TSPAN18: variants seen among roughly 807,000 people sequenced by gnomAD.
TSPAN18 encodes tetraspanin-18.
A neutral mutation model predicts 27.3 loss-of-function variants in TSPAN18; 14 were observed. The ratio of observed to expected loss-of-function variants is 0.51; its 90% CI spans 0.34 to 0.80. The LOEUF is 0.80. TSPAN18 is among the 30% of genes least tolerant of loss of function. The probability of loss-of-function intolerance (pLI) is 0.01; values close to 1 mark genes in which losing one functional copy is unlikely to be tolerated. For missense variants in TSPAN18, 268 were observed against 323.9 expected (o/e 0.83, Z 1.32); for synonymous variants, 143 against 136.5 (o/e 1.05, Z -0.33).
At chr11:44,908,894 G>C (rs1400730085) in intron 4 of TSPAN18, among the ~76,000 whole-genome samples, 2 of 151,974 alleles carry the variant, frequency 1.3e-5, no homozygotes, top group Non-Finnish European at 2.9e-5. Flanking sequence ...CTTCCTTAGG[G>C]CTGCCTTAGG....
intron 3 of TSPAN18, among the ~76,000 whole-genome samples, chr11:44,877,806 G>A (rs1343171311): frequency 6.6e-6 from 1 of 151,760 alleles, no homozygotes; most frequent in Non-Finnish European, 1.5e-5. Flanking sequence ...GCTAGTCGTG[G>A]GAAAATAGAT....
chr11:44,882,583 G>GACACAC (rs1430057154), intron 3 of TSPAN18, among the ~76,000 whole-genome samples: 9 of 59,344 alleles, frequency 1.5e-4, no homozygotes, highest in East Asian at 1.3e-3. Context: ...TGGTCAGAGA[G>GACACAC]AGAGACACAC....
intron 2 of TSPAN18, among the ~76,000 whole-genome samples, chr11:44,822,405 C>T (rs983970012): frequency 2.4e-4 from 37 of 152,138 alleles, no homozygotes; most frequent in African/African-American, 8.9e-4. Flanking sequence ...TGGCTGTCCA[C>T]ACAGTATTTT....
At chr11:44,902,649 C>T (rs1359880285) in intron 3 of TSPAN18, among the ~76,000 whole-genome samples, 1 of 152,190 alleles carries the variant, frequency 6.6e-6, no homozygotes, top group Non-Finnish European at 1.5e-5. Flanking sequence ...GCCCACTGCC[C>T]TCTGGGAGGG....
At chr11:44,919,685 T>G (rs1860050272) in intron 7 of TSPAN18, 132 bp from the exon 8 acceptor site, 1 of 866,736 alleles carries the variant, frequency 1.2e-6, no homozygotes. Flanking sequence ...GGTCACACAG[T>G]GGTGACAGGT....
At chr11:44,823,250 T>C (rs961585256) in intron 2 of TSPAN18, among the ~76,000 whole-genome samples, 2 of 152,096 alleles carry the variant, frequency 1.3e-5, no homozygotes, top group Admixed American at 6.5e-5. Context: ...GTACCCACAT[T>C]TGGTGGTTCT....
At chr11:44,759,384 G>A (rs963254039) in intron 1 of TSPAN18, among the ~76,000 whole-genome samples, 1 of 152,186 alleles carries the variant, frequency 6.6e-6, no homozygotes, top group Non-Finnish European at 1.5e-5. Flanking sequence ...CAGACCTACT[G>A]ACTCTGGAAG....
At position 44,749,103 on chromosome 11, in the gene TSPAN18, T is replaced by C. The variant is rs1855149930; in HGVS notation, c.-239-15323T>C. Among the ~76,000 whole-genome samples, 3 of 152,186 alleles carry C rather than the reference T, an allele frequency of 2.0e-5. No homozygotes were observed. In the South Asian group the frequency reaches 6.2e-4, roughly 31 times the overall value. ...GTGCTCTGGTTCTTGAGCTAAGCTT[T>C]TGACCACCACACCCTGCAGTCTTGA... On this transcript the variant is annotated intron_variant, in intron 1 of 9. Transcript: ENST00000520358.
At chr11:44,904,619 A>C (rs941353966) in intron 3 of TSPAN18, among the ~76,000 whole-genome samples, 4 of 152,198 alleles carry the variant, frequency 2.6e-5, no homozygotes, top group Non-Finnish European at 4.4e-5. Flanking sequence ...ACTTAAAAAC[A>C]AACAAACAAA....
chr11:44,912,850 G>A (rs1207464509), intron 5 of TSPAN18, among the ~76,000 whole-genome samples: 2 of 148,966 alleles, frequency 1.3e-5, no homozygotes, highest in Admixed American at 6.7e-5. Flanking sequence ...TCATGTGTGC[G>A]TGGGTGCACA....
chr11:44,850,467 G>A (rs1857574754), intron 2 of TSPAN18, among the ~76,000 whole-genome samples: 1 of 152,112 alleles, frequency 6.6e-6, no homozygotes, highest in Non-Finnish European at 1.5e-5. Context: ...GTCCCTGCTG[G>A]CCGGAGGATG....
At chr11:44,884,889 A>T (rs1352840575) in intron 3 of TSPAN18, among the ~76,000 whole-genome samples, 2 of 152,206 alleles carry the variant, frequency 1.3e-5, no homozygotes, top group Non-Finnish European at 2.9e-5. Flanking sequence ...ACATTCACTG[A>T]GAGTCCTCTG....
At chr11:44,903,351 C>A in intron 3 of TSPAN18, 1 of 451,298 alleles carries the variant, frequency 2.2e-6, no homozygotes, top group South Asian at 1.6e-5. Context: ...GCGTCAGGGA[C>A]ATACCTCTGG....
intron 1 of TSPAN18, among the ~76,000 whole-genome samples, chr11:44,740,127 C>T (rs1277822503): frequency 3.3e-5 from 5 of 152,210 alleles, no homozygotes; most frequent in South Asian, 2.1e-4. Context: ...TGGCCCTCTC[C>T]GATCTCTGCC....
intron 2 of TSPAN18, among the ~76,000 whole-genome samples, chr11:44,832,404 CCCCCTCTTTTT>C (rs142209991): frequency 0.041 from 6,257 of 152,206 alleles, 433 homozygotes; most frequent in African/African-American, 0.14. Context: ...ATCCTCAACT[CCCCCTCTTTTT>C]CCTTCATTCT....
intron 2 of TSPAN18, among the ~76,000 whole-genome samples, chr11:44,810,792 A>G (rs1182854469): frequency 6.6e-6 from 1 of 151,490 alleles, no homozygotes; most frequent in Admixed American, 6.6e-5. Flanking sequence ...ATTTTTTTGC[A>G]GGAAGGGGGT....
intron 2 of TSPAN18, among the ~76,000 whole-genome samples, chr11:44,821,135 G>A (rs12365758): frequency 0.18 from 27,963 of 152,044 alleles, 2,806 homozygotes; most frequent in South Asian, 0.38. Context: ...TAGATGAGGC[G>A]GCTGCCAGTG....
intron 2 of TSPAN18, among the ~76,000 whole-genome samples, chr11:44,857,378 A>C (rs1213369276): frequency 6.6e-6 from 1 of 152,238 alleles, no homozygotes; most frequent in Non-Finnish European, 1.5e-5. Context: ...CAGTGGAGCC[A>C]GGGGTAGAAT....
In TSPAN18 at chr11:44,908,813, A is replaced by G. The variant is rs1005350124; in HGVS notation, c.64-892A>G. Among the ~76,000 whole-genome samples, 13 of 115,862 alleles carry G rather than the reference A, an allele frequency of 1.1e-4. 3 individuals carry two copies. Among genetic ancestry groups the G allele is most frequent in the African/African-American group, 4.6e-4 (13 of 28,522 alleles). The allele number at this position is 115,862 out of a possible 152,430, so 76.0% of individuals were successfully genotyped here. ...AAAGAAAGAAAGAAAGAAAGAAAGA[A>G]AGAAAGAAAGAAAGAAAAAGAAAAA... On this transcript the variant is annotated intron_variant, in intron 4 of 9. Coordinates refer to ENST00000520358, the MANE Select transcript of TSPAN18 (RefSeq NM_130783.5).
Sources: allele counts gnomAD v4.1 joint callset (sites outside exome capture counted in the v4.1 genomes callset), GRCh38; gene constraint gnomAD v4.1.1; transcripts MANE v1.5; gene names NCBI Gene and HGNC (gene_info 2026-07-23, HGNC 2026-07-21).